The following KCNQ1 variants were observed in gnomAD, a reference collection of about 807,000 sequenced individuals.
KCNQ1 encodes potassium voltage-gated channel subfamily KQT member 1.
Under a neutral mutation model 72.4 loss-of-function variants are expected in KCNQ1, and 49 were observed. The observed-to-expected ratio is 0.68, with a 90% CI of 0.54 to 0.86. KCNQ1 has a LOEUF of 0.86. Ranked by LOEUF, KCNQ1 falls within the 40% of genes least tolerant of loss-of-function variation. The probability of loss-of-function intolerance (pLI) is 0.00; values close to 1 mark genes in which losing one functional copy is unlikely to be tolerated. For missense variants in KCNQ1, 790 were observed against 945.1 expected, an observed-to-expected ratio of 0.84 and a Z score of 2.15; for synonymous variants, 450 against 412.6, an observed-to-expected ratio of 1.09 and a Z score of -1.10.
At chr11:2,801,330 A>T (rs1337317848) in intron 15 of KCNQ1, among the ~76,000 whole-genome samples, 2 of 152,192 alleles carry the variant, frequency 1.3e-5, no homozygotes, top group Non-Finnish European at 2.9e-5. Context: ...AGTCCCCTCT[A>T]GCTCTCCAGC....
At chr11:2,702,448 A>C (rs999322039) in intron 11 of KCNQ1, among the ~76,000 whole-genome samples, 1 of 152,200 alleles carries the variant, frequency 6.6e-6, no homozygotes, top group African/African-American at 2.4e-5. Flanking sequence ...CCACCCTCCT[A>C]CTAAAGAGTG....
chr11:2,500,218 T>C (rs973309908), intron 1 of KCNQ1, among the ~76,000 whole-genome samples: 13 of 152,284 alleles, frequency 8.5e-5, no homozygotes, highest in African/African-American at 2.2e-4. Flanking sequence ...CTTGAAGATA[T>C]GAACAGACAC....
chr11:2,545,968 T>G (rs1847897561), intron 2 of KCNQ1, among the ~76,000 whole-genome samples: 1 of 152,188 alleles, frequency 6.6e-6, no homozygotes, highest in African/African-American at 2.4e-5. Flanking sequence ...AATCAGCTTT[T>G]GGTTTCATTA....
chr11:2,661,349 A>T lies in KCNQ1; in HGVS notation c.1394-612A>T. 1 of 405,122 alleles carries T rather than the reference A, an allele frequency of 2.5e-6. No individual in the cohort carries two copies. Among genetic ancestry groups the T allele is most frequent in the East Asian group, 3.5e-5 (1 of 28,344 alleles). 25.1% of individuals were successfully genotyped at this position (405,122 alleles called of 1,614,324 possible). A position where few individuals can be genotyped will look rare whatever the true frequency, so the allele number is the denominator to read the frequency against. On this transcript the variant is annotated intron_variant, in intron 10 of 15. Coordinates refer to ENST00000155840, the MANE Select transcript of KCNQ1 (RefSeq NM_000218.3). The surrounding 1 kb of genome is among the most constrained non-coding windows in gnomAD (Gnocchi z 5.9). ...ATCAGTATCCTGAGCTCCTGTGTCAAAGTTGCAGAGGTGGGCCCAGGAATC... is the reference window on the plus strand; with the variant it reads ...ATCAGTATCCTGAGCTCCTGTGTCATAGTTGCAGAGGTGGGCCCAGGAATC...
chr11:2,715,255 T>C lies in KCNQ1; in HGVS notation c.1514+53174T>C, dbSNP rs1851072580. Among the ~76,000 whole-genome samples, 1 of 152,130 alleles carries C rather than the reference T, an allele frequency of 6.6e-6. No individual in the cohort carries two copies. The highest frequency in any genetic ancestry group is 1.5e-5 in the Non-Finnish European group (1 of 68,010). ...AAAGTGGCCAGCTGGGGTTTGGTGC[T>C]GAGCCTCTGTCTGACTCTCTGCTCT... On this transcript the variant is annotated intron_variant, in intron 11 of 15. Coordinates refer to ENST00000155840, the MANE Select transcript of KCNQ1 (RefSeq NM_000218.3). This position sits in a 1 kb window ranked among gnomAD's most constrained non-coding sequence, Gnocchi z 4.9.
intron 11 of KCNQ1, chr11:2,689,136 C>A (rs1850546510): frequency 2.5e-6 from 1 of 398,688 alleles, no homozygotes. Flanking sequence ...AGCCTGAGAC[C>A]CTAAGGAGAG....
intron 6 of KCNQ1, among the ~76,000 whole-genome samples, chr11:2,576,688 G>C (rs1589961055): frequency 6.6e-6 from 1 of 152,264 alleles, no homozygotes; most frequent in Non-Finnish European, 1.5e-5. Flanking sequence ...GCTGCACCCT[G>C]GCGGGGCAAG....
chr11:2,619,681 A>G (rs1242252687), intron 10 of KCNQ1: 1 of 397,074 alleles, frequency 2.5e-6, no homozygotes, highest in African/African-American at 2.1e-5. Flanking sequence ...TGGCCTCATA[A>G]AATGTGTTAG....
rs2133798677 is a variant in KCNQ1 at position 2,617,075 on chromosome 11, G to C, written c.1393+28221G>C. ...TCCATCATCTCACAGTTATTCTTTT[G>C]TGTGTATGAGTGAGAAAAGCTATGA... On this transcript the variant is annotated intron_variant, in intron 10 of 15. Coordinates refer to ENST00000155840, the MANE Select transcript of KCNQ1 (RefSeq NM_000218.3). This position sits in a 1 kb window ranked among gnomAD's most constrained non-coding sequence, Gnocchi z 4.6. The C allele has an allele frequency of 2.5e-6, 1 of 397,660 alleles. No individual in the cohort carries two copies. The allele number at this position is 397,660 out of a possible 1,614,324, so 24.6% of individuals were successfully genotyped here. A position where few individuals can be genotyped will look rare whatever the true frequency, so the allele number is the denominator to read the frequency against.
Position 2,462,788 on chromosome 11 carries a change from G to T in KCNQ1, c.386+17304G>T, listed in dbSNP as rs1486481794. 6.6e-6 allele frequency among the ~76,000 whole-genome samples: 1 copy of T among 152,186 alleles called. No homozygotes were observed. Among genetic ancestry groups the T allele is most frequent in the Non-Finnish European group, 1.5e-5 (1 of 68,020 alleles). ...GGGTGCCGGGGGCAGGGAAGGCCTG[G>T]AGGTTTGAGGAGCAGAAAGTAGACC... On this transcript the variant is annotated intron_variant, in intron 1 of 15. Transcript: ENST00000155840. This position sits in a 1 kb window ranked among gnomAD's most constrained non-coding sequence, Gnocchi z 8.2.
intron 2 of KCNQ1, among the ~76,000 whole-genome samples, chr11:2,553,198 G>A (rs1361077679): frequency 1.4e-5 from 2 of 148,074 alleles, no homozygotes; most frequent in African/African-American, 5.0e-5. Flanking sequence ...GATTCTTTAG[G>A]ATTTTCTATG....
At chr11:2,590,186 CA>C (rs1269023301) in intron 10 of KCNQ1, among the ~76,000 whole-genome samples, 10 of 152,206 alleles carry the variant, frequency 6.6e-5, no homozygotes, top group Admixed American at 5.2e-4. Flanking sequence ...GCCACCAGGA[CA>C]GGGGCGTGCA....
rs1344662541 is a variant in KCNQ1 at position 2,642,978 on chromosome 11, CTTAT to C, written c.1394-18974_1394-18971del. ...TATTTATACAGTTTTGAATGCTCCT[CTTAT>C]TTATTTATAGTTTTATGCTATTGTG... is the stretch of plus-strand genomic sequence containing the variant. On this transcript the variant is annotated intron_variant, in intron 10 of 15. Coordinates refer to ENST00000155840, the MANE Select transcript of KCNQ1 (RefSeq NM_000218.3). This position sits in a 1 kb window ranked among gnomAD's most constrained non-coding sequence, Gnocchi z 4.3. 1 of 397,706 alleles carries C rather than the reference CTTAT, an allele frequency of 2.5e-6. No individual in the cohort carries two copies. Among genetic ancestry groups the C allele is most frequent in the Non-Finnish European group, 4.4e-6 (1 of 225,664 alleles). 24.6% of individuals were successfully genotyped at this position (397,706 alleles called of 1,614,324 possible).
rs531081916 is a variant in KCNQ1, at chr11:2,810,726, G to A, written c.1794+32689G>A. 3.3e-5 allele frequency among the ~76,000 whole-genome samples: 5 copies of A among 152,316 alleles called. No individual in the cohort carries two copies. In the South Asian group the frequency reaches 6.2e-4, roughly 19 times the overall value. The stretch of plus-strand genomic sequence containing the variant: ...TCTGAATGTTTTTCAATGTTTGCTC[G>A]GGATCTGTGCATGGATGGGCCTGCT... On this transcript the variant is annotated intron_variant, in intron 15 of 15. Transcript: ENST00000155840.
rs567833096 is a variant in KCNQ1, at chr11:2,754,223, A to T, written c.1515-14621A>T. Among the ~76,000 whole-genome samples the T allele has an allele frequency of 3.3e-5, 5 of 152,338 alleles. No individual in the cohort carries two copies. The South Asian group carries it at 1.0e-3, about 32-fold the overall frequency. On this transcript the variant is annotated intron_variant, in intron 11 of 15. Coordinates refer to ENST00000155840, the MANE Select transcript of KCNQ1 (RefSeq NM_000218.3). ...GAGGCTAGCCATGCCATGTATCTGG[A>T]GGAGGGCCCTGGAGGGGTGTGCCCA... is the stretch of plus-strand genomic sequence containing the variant.
At chr11:2,747,209 C>T (rs940873729) in intron 11 of KCNQ1, among the ~76,000 whole-genome samples, 6 of 152,252 alleles carry the variant, frequency 3.9e-5, no homozygotes, top group Admixed American at 1.3e-4. Context: ...GATGAAGAAA[C>T]GCCTTAGAAA....
chr11:2,826,394 G>A lies in KCNQ1; in HGVS notation c.1795-21373G>A, dbSNP rs938543213. On this transcript the variant is annotated intron_variant, in intron 15 of 15. Coordinates refer to ENST00000155840, the MANE Select transcript of KCNQ1 (RefSeq NM_000218.3). This position sits in a 1 kb window ranked among gnomAD's most constrained non-coding sequence, Gnocchi z 4.2. Reference sequence around the variant, plus strand: ...CCAGGCCAGCTGGGGGTCAGAACCCGCGGCCAGGCCCAGCAGCCGCCTCTT... The same window carrying A: ...CCAGGCCAGCTGGGGGTCAGAACCCACGGCCAGGCCCAGCAGCCGCCTCTT... Among the ~76,000 whole-genome samples the A allele has an allele frequency of 6.6e-5, 10 of 152,244 alleles. No individual in the cohort carries two copies. Among genetic ancestry groups the A allele is most frequent in the Admixed American group, 1.3e-4 (2 of 15,292 alleles).
chr11:2,565,597 G>A lies in KCNQ1; in HGVS notation c.478-5031G>A, dbSNP rs2133717754. Among the ~76,000 whole-genome samples, 1 of 152,318 alleles carries A rather than the reference G, an allele frequency of 6.6e-6. No individual in the cohort carries two copies. The highest frequency in any genetic ancestry group is 6.5e-5 in the Admixed American group (1 of 15,304). On this transcript the variant is annotated intron_variant, in intron 2 of 15. Coordinates refer to ENST00000155840, the MANE Select transcript of KCNQ1 (RefSeq NM_000218.3). The surrounding 1 kb of genome is among the most constrained non-coding windows in gnomAD (Gnocchi z 5.6). ...GGTAGAACAGAGCTGAGGGTGCAGT[G>A]TGGGATGGGCTGACTTGTGGCCAGG... is the stretch of plus-strand genomic sequence containing the variant.
At position 2,544,733 on chromosome 11, in the gene KCNQ1, T is replaced by C. The variant is rs1196622360; in HGVS notation, c.477+16715T>C. 6.6e-6 allele frequency among the ~76,000 whole-genome samples: 1 copy of C among 152,250 alleles called. No homozygotes were observed. The highest frequency in any genetic ancestry group is 1.5e-5 in the Non-Finnish European group (1 of 68,038). Reference sequence around the variant, plus strand: ...AAAATGAATTCCATTGATTTCCTTATATGAATGATGTTTTCTGAACATAGA... The same window carrying C: ...AAAATGAATTCCATTGATTTCCTTACATGAATGATGTTTTCTGAACATAGA... On this transcript the variant is annotated intron_variant, in intron 2 of 15. Transcript: ENST00000155840. The surrounding 1 kb of genome is among the most constrained non-coding windows in gnomAD (Gnocchi z 4.4).
Sources: allele counts gnomAD v4.1 joint callset (sites outside exome capture counted in the v4.1 genomes callset), GRCh38; gene constraint gnomAD v4.1.1; non-coding constraint Gnocchi (gnomAD v3.1); transcripts MANE v1.5; gene names NCBI Gene and HGNC (gene_info 2026-07-23, HGNC 2026-07-21).